Variants in HNF4G observed in about 807,000 individuals in gnomAD.
HNF4G encodes the protein hepatocyte nuclear factor 4 gamma.
In HNF4G, 21 loss-of-function variants were observed where a neutral mutation model predicts 50.9. The ratio of observed to expected loss-of-function variants is 0.41; its 90% CI spans 0.29 to 0.59. The LOEUF (loss-of-function observed/expected upper bound fraction) is 0.59. HNF4G is among the 20% of genes least tolerant of loss of function. The pLI is 0.26. For synonymous variants in HNF4G, 198 were observed against 185.6 expected, an observed-to-expected ratio of 1.07 and a Z score of -0.54; for missense variants, 527 against 559.4, an observed-to-expected ratio of 0.94 and a Z score of 0.58.
chr8:75,477,537 A>C (rs1315270896), intron 1 of HNF4G, among the ~76,000 whole-genome samples: 10 of 152,122 alleles, frequency 6.6e-5, no homozygotes, highest in Admixed American at 2.0e-4. Context: ...CTATTTTCTG[A>C]ATTTGTTAAT....
intron 1 of HNF4G, among the ~76,000 whole-genome samples, chr8:75,458,259 C>T (rs1400385067): frequency 6.6e-6 from 1 of 151,818 alleles, no homozygotes; most frequent in Non-Finnish European, 1.5e-5. Flanking sequence ...GGGTTAAATA[C>T]CCCGTCTTGG....
intron 2 of HNF4G, 147 bp downstream of exon 2, chr8:75,544,126 G>A: frequency 1.6e-6 from 1 of 628,220 alleles, no homozygotes; most frequent in Non-Finnish European, 2.7e-6. Context: ...AGAACGTGTG[G>A]GTATGTACAC....
intron 1 of HNF4G, among the ~76,000 whole-genome samples, chr8:75,453,942 C>T (rs939584496): frequency 6.6e-6 from 1 of 151,708 alleles, no homozygotes; most frequent in Non-Finnish European, 1.5e-5. Context: ...GGAGATGGGG[C>T]CTTTGGGAGG....
chr8:75,487,946 G>A (rs1278931659), intron 1 of HNF4G, among the ~76,000 whole-genome samples: 1 of 152,094 alleles, frequency 6.6e-6, no homozygotes, highest in Non-Finnish European at 1.5e-5. Flanking sequence ...CAAGCAAAAG[G>A]GGAAAAGCCC....
intron 1 of HNF4G, among the ~76,000 whole-genome samples, chr8:75,438,167 G>A (rs1811186550): frequency 6.6e-6 from 1 of 152,102 alleles, no homozygotes; most frequent in African/African-American, 2.4e-5. Context: ...TACATGTAAT[G>A]ATGCATATAC....
intron 3 of HNF4G, among the ~76,000 whole-genome samples, chr8:75,550,226 C>T (rs1806907575): frequency 6.6e-6 from 1 of 151,984 alleles, no homozygotes; most frequent in South Asian, 2.1e-4. Flanking sequence ...TCCTTGTTTC[C>T]CTTCTCTTTG....
At chr8:75,500,086 A>G (rs1273032513) in intron 2 of HNF4G, among the ~76,000 whole-genome samples, 3 of 152,154 alleles carry the variant, frequency 2.0e-5, no homozygotes, top group Non-Finnish European at 4.4e-5. Flanking sequence ...TGAAGAGACA[A>G]TTCATCGAAT....
chr8:75,483,285 A>G (rs1166316848), intron 1 of HNF4G, among the ~76,000 whole-genome samples: 1 of 151,988 alleles, frequency 6.6e-6, no homozygotes, highest in Non-Finnish European at 1.5e-5. Flanking sequence ...TTAATAAATT[A>G]GTCAAGGGAT....
intron 9 of HNF4G, among the ~76,000 whole-genome samples, chr8:75,561,894 C>G (rs1210894659): frequency 1.3e-5 from 2 of 152,096 alleles, no homozygotes; most frequent in Non-Finnish European, 2.9e-5. Context: ...CATGCTAATT[C>G]TATTTTTTCT....
intron 1 of HNF4G, among the ~76,000 whole-genome samples, chr8:75,454,656 T>G (rs546397303): frequency 6.6e-6 from 1 of 152,320 alleles, no homozygotes; most frequent in Non-Finnish European, 1.5e-5. Context: ...CTCAGGTCTC[T>G]TAAGTGTCAT....
At chr8:75,563,405 C>T (rs1294558638) in intron 9 of HNF4G, among the ~76,000 whole-genome samples, 1 of 145,362 alleles carries the variant, frequency 6.9e-6, no homozygotes, top group East Asian at 2.0e-4. Flanking sequence ...CAGGCAAGCT[C>T]GATTGTAATA....
At chr8:75,422,994 T>G (rs2130494476) in intron 1 of HNF4G, among the ~76,000 whole-genome samples, 1 of 152,284 alleles carries the variant, frequency 6.6e-6, no homozygotes, top group African/African-American at 2.4e-5. Context: ...ACACAACCAG[T>G]TAGGAGCAGA....
At chr8:75,486,635 AAAAC>A (rs1180953205) in intron 1 of HNF4G, among the ~76,000 whole-genome samples, 4 of 152,334 alleles carry the variant, frequency 2.6e-5, no homozygotes, top group African/African-American at 9.6e-5. Flanking sequence ...ATTCAGGCAA[AAAAC>A]AAACAAACAA....
chr8:75,430,131 AC>A, intron 1 of HNF4G, among the ~76,000 whole-genome samples: 1 of 151,366 alleles, frequency 6.6e-6, no homozygotes. Context: ...AGCCTGGTCA[AC>A]AGAACGAGAT....
intron 1 of HNF4G, among the ~76,000 whole-genome samples, chr8:75,463,051 T>G (rs1438958659): frequency 6.6e-6 from 1 of 150,578 alleles, no homozygotes; most frequent in Admixed American, 6.6e-5. Context: ...ATATTCAATG[T>G]CTGCTTGTTT....
chr8:75,546,882 G>A (rs1806796671), intron 2 of HNF4G, among the ~76,000 whole-genome samples: 2 of 152,102 alleles, frequency 1.3e-5, no homozygotes, highest in Non-Finnish European at 2.9e-5. Context: ...TCTGCATACA[G>A]ACCTAGCATG....
chr8:75,418,538 T>C (rs16939069), intron 1 of HNF4G, among the ~76,000 whole-genome samples: 88 of 152,240 alleles, frequency 5.8e-4, no homozygotes, highest in African/African-American at 2.0e-3. Flanking sequence ...TCCTCTCTCC[T>C]AACAGTCATA....
intron 1 of HNF4G, among the ~76,000 whole-genome samples, chr8:75,467,334 T>A (rs1218801457): frequency 2.0e-5 from 3 of 152,212 alleles, no homozygotes; most frequent in African/African-American, 7.2e-5. Context: ...CCTATTATCA[T>A]TCAGTACTCA....
rs1800951 is a variant in HNF4G at position 75,563,958 on chromosome 8, C to A, written c.1247-17C>A. 0.05 allele frequency: 80,338 copies of A among 1,611,940 alleles called. 2,250 individuals carry two copies. The highest frequency in any genetic ancestry group is 0.06 in the Middle Eastern group (365 of 6,046). On this transcript the variant is annotated splice_polypyrimidine_tract_variant and intron_variant, in intron 9 of 9. Coordinates refer to ENST00000396423, the MANE Select transcript of HNF4G (RefSeq NM_004133.5). ...CTGACTGCCACCATTAGACTCAATT[C>A]TCTGATTCTTTTTCAGCAACTCCTG...
Sources: allele counts gnomAD v4.1 joint callset (sites outside exome capture counted in the v4.1 genomes callset), GRCh38; gene constraint gnomAD v4.1.1; transcripts MANE v1.5; gene names NCBI Gene and HGNC (gene_info 2026-07-23, HGNC 2026-07-21).